Variants in DOCK7 observed in about 807,000 individuals in gnomAD.
DOCK7 encodes dedicator of cytokinesis protein 7.
DOCK7 carries 138 observed loss-of-function variants against 271.0 expected under a neutral mutation model. The observed-to-expected ratio is 0.51, with a 90% CI of 0.44 to 0.59. The LOEUF is 0.59. Ranked by LOEUF, DOCK7 falls within the 20% of genes least tolerant of loss-of-function variation. The pLI is 0.00. For synonymous variants in DOCK7, 823 were observed against 876.1 expected (o/e 0.94, Z 1.07); for missense variants, 2,066 against 2,592.4 (o/e 0.80, Z 4.41).
chr1:62,555,755 A>C, intron 21 of DOCK7, 70 bp downstream of exon 21: 3 of 1,517,886 alleles, frequency 2.0e-6, no homozygotes, highest in Non-Finnish European at 2.7e-6. Context: ...ATGGACTACA[A>C]AATTATCTCA....
At chr1:62,666,055 T>G (rs1659280350) in intron 1 of DOCK7, among the ~76,000 whole-genome samples, 2 of 151,868 alleles carry the variant, frequency 1.3e-5, no homozygotes, top group East Asian at 3.9e-4. Context: ...TCCCAGCTAC[T>G]CAGGAGGCTG....
At chr1:62,604,214 A>G (rs765048203) in intron 14 of DOCK7, 40 of 1,613,224 alleles carry the variant, frequency 2.5e-5, no homozygotes, top group Non-Finnish European at 3.2e-5. Flanking sequence ...AGGACACTTC[A>G]ACTGTCCAGA....
chr1:62,615,177 A>G (rs1273307975), intron 14 of DOCK7, among the ~76,000 whole-genome samples: 4 of 151,888 alleles, frequency 2.6e-5, no homozygotes, highest in Non-Finnish European at 4.4e-5. Flanking sequence ...TCAACTTTAT[A>G]ATCATATTTT....
At chr1:62,524,957 T>TATATATATATATATATATATATATATATC (rs1557666274) in intron 31 of DOCK7, among the ~76,000 whole-genome samples, 1 of 82,646 alleles carries the variant, frequency 1.2e-5, no homozygotes, top group Non-Finnish European at 2.4e-5. Context: ...ATATATATAT[T>TATATATATATATATATATATATATATATC]ACTATAAACT....
At chr1:62,612,334 A>C (rs991440581) in intron 14 of DOCK7, among the ~76,000 whole-genome samples, 6 of 152,176 alleles carry the variant, frequency 3.9e-5, no homozygotes, top group Non-Finnish European at 7.3e-5. Context: ...TCTAATGAGA[A>C]TATATGGGCA....
chr1:62,612,030 C>T (rs944233325), intron 14 of DOCK7, among the ~76,000 whole-genome samples: 3 of 151,632 alleles, frequency 2.0e-5, no homozygotes, highest in Non-Finnish European at 4.4e-5. Context: ...GTGGCTTGCA[C>T]CTGTAGTCCC....
chr1:62,530,246 T>C (rs1159591836), intron 29 of DOCK7, among the ~76,000 whole-genome samples: 1 of 152,200 alleles, frequency 6.6e-6, no homozygotes, highest in Non-Finnish European at 1.5e-5. Flanking sequence ...AGAAGAGCCA[T>C]TCTGAATTTG....
chr1:62,577,617 G>A (rs1181621030), intron 17 of DOCK7, among the ~76,000 whole-genome samples: 1 of 151,898 alleles, frequency 6.6e-6, no homozygotes. Context: ...AAATCTAGAG[G>A]CAAAAAGTTG....
intron 1 of DOCK7, among the ~76,000 whole-genome samples, chr1:62,675,807 T>C (rs75299822): frequency 0.012 from 1,798 of 150,638 alleles, 46 homozygotes; most frequent in African/African-American, 0.041. Flanking sequence ...AAAAAGGCAC[T>C]AGTCATTAGG....
At position 62,631,311 on chromosome 1, in the gene DOCK7, T is replaced by G. The variant is rs1485730211; in HGVS notation, c.1211A>C (p.His404Pro). 1 of 1,613,672 alleles carries G rather than the reference T, an allele frequency of 6.2e-7. No individual in the cohort carries two copies. The highest frequency in any genetic ancestry group is 1.7e-5 in the Admixed American group (1 of 59,952). The change falls in exon 11 of 50, where the codon CAT becomes CCT. Residue 404 changes from histidine to proline, a missense_variant. His to Pro is a moderately conservative substitution (Grantham distance 77). Transcript: ENST00000635253. ...AGCACTGCTAACAATATTCATTAAA[T>G]GGATTGCAGTCCAAGCAAAAGGCAT... ...YRMPFAWTAI[H>P]LMNIVSSAGS...
intron 14 of DOCK7, chr1:62,601,044 G>T: frequency 8.4e-7 from 1 of 1,191,074 alleles, no homozygotes; most frequent in Non-Finnish European, 1.3e-6. Flanking sequence ...TGTATATTCA[G>T]TATCATTTTA....
chr1:62,477,861 T>C, intron 43 of DOCK7, 36 bp from the exon 44 acceptor site: 8 of 1,541,458 alleles, frequency 5.2e-6, no homozygotes, highest in Non-Finnish European at 7.0e-6. Flanking sequence ...GGAGAAACTT[T>C]AATATGAAAT....
intron 7 of DOCK7, among the ~76,000 whole-genome samples, chr1:62,644,879 T>G (rs1316418103): frequency 6.6e-6 from 1 of 152,148 alleles, no homozygotes; most frequent in East Asian, 1.9e-4. Context: ...GAATTTTTAA[T>G]GAGAGACAAA....
intron 48 of DOCK7, among the ~76,000 whole-genome samples, chr1:62,471,831 A>C (rs1645838544): frequency 6.6e-6 from 1 of 152,188 alleles, no homozygotes; most frequent in South Asian, 2.1e-4. Flanking sequence ...TTAAACTCTA[A>C]TTGAAAAATA....
In DOCK7 at chr1:62,618,819, G is replaced by C. The variant is rs2149586149; in HGVS notation, c.1569C>G (p.Cys523Trp). The C allele has an allele frequency of 6.2e-7, 1 of 1,613,738 alleles. No homozygotes were observed. Among genetic ancestry groups the C allele is most frequent in the South Asian group, 1.1e-5 (1 of 91,058 alleles). The change falls in exon 14 of 50, where the codon TGC (cysteine) becomes TGG (tryptophan). Residue 523 changes from cysteine to tryptophan, a missense_variant. Cys to Trp is a radical substitution (Grantham distance 215, BLOSUM62 -2). Coordinates refer to ENST00000635253, the MANE Select transcript of DOCK7 (RefSeq NM_001367561.1). ...TCACTTGAAGCAGCTCCGGAGTTAG[G>C]CAATAATGGGGATTTTCAGGTGCGG... ...ISPAPENPHY[C>W]LTPELLQVKL...
At chr1:62,485,039 T>G (rs1646252988) in intron 43 of DOCK7, 5 of 578,558 alleles carry the variant, frequency 8.6e-6, no homozygotes, top group Non-Finnish European at 1.1e-5. Flanking sequence ...GAGGCTGAGG[T>G]GGGAAGATCA....
At chr1:62,479,243 G>A (rs1646048648) in intron 43 of DOCK7, among the ~76,000 whole-genome samples, 2 of 150,206 alleles carry the variant, frequency 1.3e-5, no homozygotes, top group Admixed American at 6.7e-5. Context: ...AAAATGGGAA[G>A]CTCTAATCCT....
In DOCK7 at chr1:62,561,632, C is replaced by T. The variant is rs769422184; in HGVS notation, c.2184G>A (p.Ser728=). The T allele has an allele frequency of 7.8e-5, 122 of 1,563,802 alleles. No individual in the cohort carries two copies. Among genetic ancestry groups the T allele is most frequent in the Non-Finnish European group, 1.0e-4 (116 of 1,163,002 alleles). Residue 728 remains serine, a synonymous_variant, in exon 19 of 50, where the codon TCG becomes TCA. Coordinates refer to ENST00000635253, the MANE Select transcript of DOCK7 (RefSeq NM_001367561.1). ...GVFNVEVVAV[S]SIHTQDPYLD... ...TAAAACTCACTTGTGTATGGATAGA[C>T]GAAACAGCAACAACTTCAACATTAA...
At chr1:62,574,760 A>G (rs1452625535) in intron 18 of DOCK7, among the ~76,000 whole-genome samples, 1 of 151,870 alleles carries the variant, frequency 6.6e-6, no homozygotes, top group African/African-American at 2.4e-5. Flanking sequence ...ACAGAGTCTC[A>G]CTCTGCCGCC....
Sources: gnomAD v4.1 joint callset for allele counts (sites outside exome capture counted in the v4.1 genomes callset) on GRCh38, gnomAD v4.1.1 for gene constraint, MANE v1.5 for transcripts, NCBI Gene and HGNC (gene_info 2026-07-23, HGNC 2026-07-21) for gene names.